The following KDM2A variants were observed in gnomAD, a reference collection of about 807,000 sequenced individuals.
KDM2A encodes lysine demethylase 2A.
KDM2A carries 3 observed loss-of-function variants against 137.3 expected under a neutral mutation model. The observed-to-expected ratio is 0.02, with a 90% CI of 0.01 to 0.06. The LOEUF (loss-of-function observed/expected upper bound fraction) is 0.06, where lower values mean the gene tolerates loss of function less well. Among genes scored for constraint, KDM2A ranks in the 10% least tolerant of loss-of-function variants. KDM2A has a pLI of 1.00. For missense variants in KDM2A, 738 were observed against 1,510.6 expected (o/e 0.49, Z 8.48); for synonymous variants, 512 against 541.5 (o/e 0.95, Z 0.76).
chr11:67,255,384 C>G lies in KDM2A; in HGVS notation c.*329C>G. On this transcript the variant is annotated 3_prime_UTR_variant, in exon 21 of 21. Coordinates refer to ENST00000529006, the MANE Select transcript of KDM2A (RefSeq NM_012308.3). ...GGTGTTTGTGCAACCTTCATCTGCACTGGGCCCTGTGCCCCTCCTCCCCAT... is the reference window on the plus strand; with the variant it reads ...GGTGTTTGTGCAACCTTCATCTGCAGTGGGCCCTGTGCCCCTCCTCCCCAT... The G allele has an allele frequency of 6.4e-6, 3 of 467,394 alleles. No individual in the cohort carries two copies. Among genetic ancestry groups the G allele is most frequent in the South Asian group, 4.9e-5 (3 of 61,830 alleles). The allele number at this position is 467,394 out of a possible 1,614,324, so 29.0% of individuals were successfully genotyped here. A position where few individuals can be genotyped will look rare whatever the true frequency, so the allele number is the denominator to read the frequency against.
chr11:67,201,974 GA>G lies in KDM2A; in HGVS notation c.308-5531del, dbSNP rs1417670544. Among the ~76,000 whole-genome samples, 7 of 151,766 alleles carry G rather than the reference GA, an allele frequency of 4.6e-5. No homozygotes were observed. The East Asian group carries it at 1.4e-3, about 29-fold the overall frequency. On this transcript the variant is annotated intron_variant, in intron 5 of 20. Coordinates refer to ENST00000529006, the MANE Select transcript of KDM2A (RefSeq NM_012308.3). Reference sequence around the variant, plus strand: ...TGTCTCTAAAAAAAATAATTAAAATGAAAAAGAGCATTTGTGGTACATGGGA... The same window carrying G: ...TGTCTCTAAAAAAAATAATTAAAATGAAAAGAGCATTTGTGGTACATGGGA...
chr11:67,157,283 A>G (rs374915907), intron 2 of KDM2A, among the ~76,000 whole-genome samples: 1 of 147,720 alleles, frequency 6.8e-6, no homozygotes, highest in Non-Finnish European at 1.5e-5. Context: ...ACTGCACTCC[A>G]TCCAGCCTGG....
chr11:67,150,028 C>T (rs982545406), intron 2 of KDM2A, among the ~76,000 whole-genome samples: 7 of 152,156 alleles, frequency 4.6e-5, no homozygotes, highest in Admixed American at 3.9e-4. Flanking sequence ...GGCCTAGAAT[C>T]TGTATTTTAG....
chr11:67,158,029 AATT>A (rs1240865696), intron 2 of KDM2A, among the ~76,000 whole-genome samples: 5 of 152,116 alleles, frequency 3.3e-5, no homozygotes, highest in Non-Finnish European at 5.9e-5. Context: ...AGTTTTGACA[AATT>A]ATCCACCATT....
Position 67,231,638 on chromosome 11 carries a change from G to A in KDM2A, c.1157G>A (p.Ser386Asn), listed in dbSNP as rs756277510. 4.3e-6 allele frequency: 7 copies of A among 1,613,000 alleles called. No individual in the cohort carries two copies. In the Admixed American group the frequency reaches 1.2e-4, roughly 27 times the overall value. ...GTGGATCGAGAACCCCGACGCTTGA[G>A]CAGCAGGCGTTCTGTCCTCACTAGC... ...EAVDREPRRLSSRRSVLTSPV... is the reference protein window; with the variant it reads ...EAVDREPRRLNSRRSVLTSPV... The change falls in exon 12 of 21, where the codon AGC becomes AAC. Residue 386 changes from serine to asparagine, a missense_variant. Around this residue, in one of 9 missense-constraint regions of KDM2A, gnomAD observed 113 missense variants for 133.5 expected, o/e 0.85. Coordinates refer to ENST00000529006, the MANE Select transcript of KDM2A (RefSeq NM_012308.3).
In KDM2A at chr11:67,225,615, A is replaced by G. The variant is rs376038424; in HGVS notation, c.958-2422A>G. On this transcript the variant is annotated intron_variant, in intron 10 of 20. Coordinates refer to ENST00000529006, the MANE Select transcript of KDM2A (RefSeq NM_012308.3). The stretch of plus-strand genomic sequence containing the variant: ...GAGAAGGCGTGTTTCTACTAAAAAT[A>G]CAAAATTAGCCAGGTGTGGTGGCGC... 1.3e-4 allele frequency among the ~76,000 whole-genome samples: 19 copies of G among 151,894 alleles called. 1 individual carries two copies. Among genetic ancestry groups the G allele is most frequent in the African/African-American group, 4.1e-4 (17 of 41,402 alleles).
intron 2 of KDM2A, among the ~76,000 whole-genome samples, chr11:67,137,184 A>G (rs1055042920): frequency 1.3e-5 from 2 of 152,250 alleles, no homozygotes; most frequent in Admixed American, 6.5e-5. Context: ...CAAAAAAGCC[A>G]TTGTAACTGA....
chr11:67,202,627 C>A (rs1297839814), intron 5 of KDM2A, among the ~76,000 whole-genome samples: 1 of 150,608 alleles, frequency 6.6e-6, no homozygotes, highest in Non-Finnish European at 1.5e-5. Flanking sequence ...AAAAAAAAAA[C>A]TAGCCAGGCA....
In KDM2A at chr11:67,192,197, TTCC is replaced by T. The variant is rs1235131054; in HGVS notation, c.307+10311_307+10313del. 4.9e-5 allele frequency among the ~76,000 whole-genome samples: 7 copies of T among 142,844 alleles called. No individual in the cohort carries two copies. In the South Asian group the frequency reaches 1.3e-3, roughly 26 times the overall value. The allele number at this position is 142,844 out of a possible 152,430, so 93.7% of individuals were successfully genotyped here. On this transcript the variant is annotated intron_variant, in intron 5 of 20. Coordinates refer to ENST00000529006, the MANE Select transcript of KDM2A (RefSeq NM_012308.3). ...TCTTCCCATTTTCAATCCCTTTTCC[TTCC>T]TCCTCTCTCCAGAGATAGGCACTCC...
At chr11:67,206,268 C>T (rs1445395865) in intron 5 of KDM2A, among the ~76,000 whole-genome samples, 16 of 152,014 alleles carry the variant, frequency 1.1e-4, no homozygotes, top group African/African-American at 3.6e-4. Flanking sequence ...CTGACTTTAC[C>T]AAAAATACAA....
At chr11:67,253,936 ATT>A (rs916538127) in intron 19 of KDM2A, among the ~76,000 whole-genome samples, 1 of 152,186 alleles carries the variant, frequency 6.6e-6, no homozygotes, top group Non-Finnish European at 1.5e-5. Context: ...GTGTGGTGGT[ATT>A]GGAAGGGGAG....
intron 5 of KDM2A, among the ~76,000 whole-genome samples, chr11:67,197,734 T>C (rs1254240642): frequency 6.6e-6 from 1 of 152,202 alleles, no homozygotes; most frequent in Non-Finnish European, 1.5e-5. Context: ...CACTAATTAC[T>C]AGCTGTGTAA....
intron 2 of KDM2A, among the ~76,000 whole-genome samples, chr11:67,125,173 T>G (rs886597788): frequency 6.6e-6 from 1 of 151,274 alleles, no homozygotes; most frequent in African/African-American, 2.4e-5. Flanking sequence ...GAGGGAACTT[T>G]CTTTTTTTTT....
chr11:67,139,764 C>T (rs1025095864), intron 2 of KDM2A, among the ~76,000 whole-genome samples: 13 of 151,948 alleles, frequency 8.6e-5, no homozygotes, highest in Admixed American at 2.0e-4. Flanking sequence ...GTCTGGAGTG[C>T]GCTGGCACGA....
chr11:67,121,945 T>A (rs1855606868), intron 2 of KDM2A, among the ~76,000 whole-genome samples: 1 of 152,176 alleles, frequency 6.6e-6, no homozygotes, highest in Non-Finnish European at 1.5e-5. Flanking sequence ...TTGAAAGAAA[T>A]TTTAGACATG....
chr11:67,195,415 C>T (rs1345975412), intron 5 of KDM2A, among the ~76,000 whole-genome samples: 1 of 144,300 alleles, frequency 6.9e-6, no homozygotes, highest in East Asian at 2.0e-4. Context: ...ATTAATACAG[C>T]AATATTCTTC....
chr11:67,142,042 C>T (rs1356553402), intron 2 of KDM2A, among the ~76,000 whole-genome samples: 1 of 151,888 alleles, frequency 6.6e-6, no homozygotes, highest in Non-Finnish European at 1.5e-5. Flanking sequence ...TTCATTCATT[C>T]ATTCATTCAT....
intron 5 of KDM2A, among the ~76,000 whole-genome samples, chr11:67,203,356 C>A (rs1297088825): frequency 6.6e-6 from 1 of 150,698 alleles, no homozygotes; most frequent in Non-Finnish European, 1.5e-5. Context: ...GGAACTGAAC[C>A]CACAATATCT....
At chr11:67,210,438 T>C (rs998173442) in intron 6 of KDM2A, among the ~76,000 whole-genome samples, 4 of 152,228 alleles carry the variant, frequency 2.6e-5, no homozygotes, top group African/African-American at 9.6e-5. Flanking sequence ...TTACCATTAT[T>C]AAGGTTGTGA....
Sources: gnomAD v4.1 joint callset for allele counts (sites outside exome capture counted in the v4.1 genomes callset) on GRCh38, gnomAD v4.1.1 for gene constraint, gnomAD v4.1.1 regional missense constraint, MANE v1.5 for transcripts, NCBI Gene and HGNC (gene_info 2026-07-23, HGNC 2026-07-21) for gene names.